Variants in FAM228A observed in about 807,000 individuals in gnomAD.
FAM228A encodes protein FAM228A.
Under a neutral mutation model 18.6 loss-of-function variants are expected in FAM228A, and 13 were observed. The observed-to-expected ratio is 0.70, with a 90% CI of 0.45 to 1.11. The LOEUF (loss-of-function observed/expected upper bound fraction) is 1.11, where lower values mean the gene tolerates loss of function less well. Among genes scored for constraint, FAM228A ranks in the 50% least tolerant of loss-of-function variants. FAM228A has a pLI of 0.00. For missense variants in FAM228A, 240 were observed against 242.2 expected (o/e 0.99, Z 0.06); for synonymous variants, 77 against 86.6 (o/e 0.89, Z 0.61).
intron 5 of FAM228A, chr2:24,188,421 C>A: frequency 1.0e-6 from 1 of 982,286 alleles, no homozygotes; most frequent in Non-Finnish European, 1.2e-6. Context: ...CTCCTTGATT[C>A]TTTTTCAAAT....
chr2:24,179,580 G>C (rs1667768635), intron 3 of FAM228A, among the ~76,000 whole-genome samples: 1 of 152,142 alleles, frequency 6.6e-6, no homozygotes, highest in Non-Finnish European at 1.5e-5. Flanking sequence ...GTGGTCTCGT[G>C]GTGGGTTCTG....
chr2:24,185,830 T>C lies in FAM228A; in HGVS notation c.401+2185T>C, dbSNP rs74673405. The stretch of plus-strand genomic sequence containing the variant: ...ATGGATAAGAAACTGTCTAAAGGTC[T>C]TGTAGATCTTTGTTTAGATTTATTC... On this transcript the variant is annotated intron_variant, in intron 5 of 5. Coordinates refer to ENST00000295150, the MANE Select transcript of FAM228A (RefSeq NM_001040710.3). 7.2e-3 allele frequency among the ~76,000 whole-genome samples: 1,100 copies of C among 152,234 alleles called. 8 individuals carry two copies. The highest frequency in any genetic ancestry group is 0.026 in the African/African-American group (1,059 of 41,512).
In FAM228A at chr2:24,191,165, T is replaced by G; in HGVS notation, c.*534T>G. ...ATTTGACACAGTTTTCAGCTCCTGG[T>G]CTATTTCCCCTTCCATTCTCTCCGC... On this transcript the variant is annotated 3_prime_UTR_variant, in exon 6 of 6. Coordinates refer to ENST00000295150, the MANE Select transcript of FAM228A (RefSeq NM_001040710.3). 1.0e-6 allele frequency: 1 copy of G among 985,670 alleles called. No individual in the cohort carries two copies. The highest frequency in any genetic ancestry group is 1.2e-6 in the Non-Finnish European group (1 of 830,106). 61.1% of individuals were successfully genotyped at this position (985,670 alleles called of 1,614,324 possible).
rs775939085 is a variant in FAM228A at position 24,190,486 on chromosome 2, C to G, written c.476C>G (p.Ala159Gly). 6.2e-7 allele frequency: 1 copy of G among 1,614,152 alleles called. No individual in the cohort carries two copies. The highest frequency in any genetic ancestry group is 1.7e-5 in the Admixed American group (1 of 60,018). ...EKKTADLSQA[A>G]FERQFLSSKL... ...AAGACGGCCGACCTAAGTCAGGCTG[C>G]GTTTGAAAGGCAGTTCCTTTCCTCA... Residue 159 changes from alanine (A) to glycine (G), a missense_variant, in exon 6 of 6, where the codon GCG becomes GGG. Physicochemically the swap from Ala to Gly is moderately conservative, Grantham distance 60. Coordinates refer to ENST00000295150, the MANE Select transcript of FAM228A (RefSeq NM_001040710.3).
In FAM228A at chr2:24,190,890, C is replaced by A. The variant is rs1668068496; in HGVS notation, c.*259C>A. On this transcript the variant is annotated 3_prime_UTR_variant, in exon 6 of 6. Coordinates refer to ENST00000295150, the MANE Select transcript of FAM228A (RefSeq NM_001040710.3). ...CCAACCTGGCCACAGGGGCTTTTCC[C>A]CCTGAGATTTCTTCAGCGCCTTCGC... 8.4e-7 allele frequency: 1 copy of A among 1,184,172 alleles called. No individual in the cohort carries two copies. Among genetic ancestry groups the A allele is most frequent in the African/African-American group, 1.6e-5 (1 of 63,720 alleles). 73.4% of individuals were successfully genotyped at this position (1,184,172 alleles called of 1,614,324 possible).
In FAM228A at chr2:24,191,375, T is replaced by C; in HGVS notation, c.*744T>C. The C allele has an allele frequency of 1.0e-6, 1 of 985,484 alleles. No homozygotes were observed. The highest frequency in any genetic ancestry group is 4.7e-5 in the South Asian group (1 of 21,286). 61.0% of individuals were successfully genotyped at this position (985,484 alleles called of 1,614,324 possible). A position where few individuals can be genotyped will look rare whatever the true frequency, so the allele number is the denominator to read the frequency against. On this transcript the variant is annotated 3_prime_UTR_variant, in exon 6 of 6. Coordinates refer to ENST00000295150, the MANE Select transcript of FAM228A (RefSeq NM_001040710.3). Reference sequence around the variant, plus strand: ...CTGGATAGGTATTTTGTGACCCAGCTCCTGCTCAGTCCCATCGCTGTCCCC... The same window carrying C: ...CTGGATAGGTATTTTGTGACCCAGCCCCTGCTCAGTCCCATCGCTGTCCCC...
intron 3 of FAM228A, among the ~76,000 whole-genome samples, chr2:24,180,568 T>G (rs1465725435): frequency 6.6e-6 from 1 of 152,184 alleles, no homozygotes; most frequent in Non-Finnish European, 1.5e-5. Context: ...TGAATCCAGA[T>G]CTCCAAAGTG....
rs201173958 is a variant in FAM228A at position 24,183,623 on chromosome 2, A to G, written c.379A>G (p.Arg127Gly). The G allele has an allele frequency of 2.5e-6, 4 of 1,607,234 alleles. No individual in the cohort carries two copies. The East Asian group carries it at 6.7e-5, about 27-fold the overall frequency. ...KEWHKASARA[R>G]SKTYKYSPEK... ...GTGGCATAAAGCCTCTGCAAGAGCC[A>G]GGAGTAAAACTTACAAATACAGGTA... The change falls in exon 5 of 6, where the codon AGG (arginine) becomes GGG (glycine). Residue 127 changes from arginine to glycine, a missense_variant. Coordinates refer to ENST00000295150, the MANE Select transcript of FAM228A (RefSeq NM_001040710.3).
intron 3 of FAM228A, among the ~76,000 whole-genome samples, chr2:24,181,736 C>G (rs563672997): frequency 8.5e-5 from 13 of 152,194 alleles, no homozygotes; most frequent in South Asian, 6.2e-4. Context: ...AAAGGTAGAG[C>G]AGGTTTCTTT....
At chr2:24,179,140 TA>T in intron 3 of FAM228A, 1 of 1,119,032 alleles carries the variant, frequency 8.9e-7, no homozygotes, top group Non-Finnish European at 1.1e-6. Context: ...AGCATGTGGA[TA>T]CTTTTAAGGA....
intron 3 of FAM228A, among the ~76,000 whole-genome samples, chr2:24,181,850 C>CT (rs1181669843): frequency 6.6e-6 from 1 of 152,080 alleles, no homozygotes; most frequent in African/African-American, 2.4e-5. Flanking sequence ...AAAGCATTTC[C>CT]TTTGAGTTTT....
Position 24,190,928 on chromosome 2 carries a change from C to A in FAM228A, c.*297C>A. On this transcript the variant is annotated 3_prime_UTR_variant, in exon 6 of 6. Transcript: ENST00000295150. ...TCAGCGCCTTCGCCCGGGCCTTTGC[C>A]CTTCTGCCACTTTCCTACCATTTTC... is the stretch of plus-strand genomic sequence containing the variant. 9.1e-7 allele frequency: 1 copy of A among 1,104,524 alleles called. No individual in the cohort carries two copies. The highest frequency in any genetic ancestry group is 4.2e-5 in the South Asian group (1 of 23,632). The allele number at this position is 1,104,524 out of a possible 1,614,324, so 68.4% of individuals were successfully genotyped here.
At chr2:24,190,266 T>G in intron 5 of FAM228A, 146 bp from the exon 6 acceptor site, 7 of 989,486 alleles carry the variant, frequency 7.1e-6, no homozygotes, top group South Asian at 1.8e-5. Context: ...GGCAGGCAGA[T>G]TGAGGGACAG....
intron 3 of FAM228A, among the ~76,000 whole-genome samples, chr2:24,181,461 T>G (rs1384987473): frequency 6.6e-6 from 1 of 152,236 alleles, no homozygotes; most frequent in Non-Finnish European, 1.5e-5. Context: ...CTTGGCTTAC[T>G]GCAACTTCTG....
intron 2 of FAM228A, chr2:24,176,252 G>C: frequency 1.1e-6 from 1 of 947,044 alleles, no homozygotes; most frequent in Non-Finnish European, 1.3e-6. Context: ...AATATGTTCT[G>C]CTTCTCCAAA....
intron 1 of FAM228A, 27 bp downstream of exon 1, chr2:24,175,201 T>TG: frequency 2.5e-6 from 1 of 403,806 alleles, no homozygotes; most frequent in South Asian, 2.5e-5. Flanking sequence ...CCTACGGGCC[T>TG]GGGGGTCGCG....
Position 24,190,979 on chromosome 2 carries a change from A to C in FAM228A, c.*348A>C. On this transcript the variant is annotated 3_prime_UTR_variant, in exon 6 of 6. Transcript: ENST00000295150. Reference sequence around the variant, plus strand: ...CACTTACTCCATCCAAACTGCACCAAAGATGGTGTTCTCCTTAGTCCACAC... The same window carrying C: ...CACTTACTCCATCCAAACTGCACCACAGATGGTGTTCTCCTTAGTCCACAC... 1 of 1,035,204 alleles carries C rather than the reference A, an allele frequency of 9.7e-7. No homozygotes were observed. 64.1% of individuals were successfully genotyped at this position (1,035,204 alleles called of 1,614,324 possible).
Position 24,190,734 on chromosome 2 carries a change from T to A in FAM228A, c.*103T>A. ...GGAGGAGGGAGAAATGGCGGTGGCCTCAGGCTCAGCACTGCAGCTCTGACA... is the reference window on the plus strand; with the variant it reads ...GGAGGAGGGAGAAATGGCGGTGGCCACAGGCTCAGCACTGCAGCTCTGACA... On this transcript the variant is annotated 3_prime_UTR_variant, in exon 6 of 6. Coordinates refer to ENST00000295150, the MANE Select transcript of FAM228A (RefSeq NM_001040710.3). The A allele has an allele frequency of 7.0e-7, 1 of 1,425,416 alleles. No individual in the cohort carries two copies. Among genetic ancestry groups the A allele is most frequent in the Non-Finnish European group, 9.2e-7 (1 of 1,086,730 alleles). 88.3% of individuals were successfully genotyped at this position (1,425,416 alleles called of 1,614,324 possible). A position where few individuals can be genotyped will look rare whatever the true frequency, so the allele number is the denominator to read the frequency against.
intron 3 of FAM228A, among the ~76,000 whole-genome samples, chr2:24,178,182 A>T (rs1667735166): frequency 6.6e-6 from 1 of 152,194 alleles, no homozygotes; most frequent in Non-Finnish European, 1.5e-5. Context: ...TCTTTCTCAT[A>T]TGTTCCCACA....
Sources: allele counts gnomAD v4.1 joint callset (sites outside exome capture counted in the v4.1 genomes callset), GRCh38; gene constraint gnomAD v4.1.1; transcripts MANE v1.5; gene names NCBI Gene and HGNC (gene_info 2026-07-23, HGNC 2026-07-21).